FAM178B: variants seen among roughly 807,000 people sequenced by gnomAD.
FAM178B encodes family with sequence similarity 178 member B.
In FAM178B, 82 loss-of-function variants were observed where a neutral mutation model predicts 91.7. That is an observed-to-expected ratio of 0.89 (90% CI 0.75 to 1.07). The LOEUF is 1.07. FAM178B is among the 50% of genes least tolerant of loss of function. The pLI, the probability that FAM178B is intolerant of heterozygous loss-of-function variation, is 0.00. For missense variants in FAM178B, 769 were observed against 846.7 expected, an observed-to-expected ratio of 0.91 and a Z score of 1.14; for synonymous variants, 368 against 359.4, an observed-to-expected ratio of 1.02 and a Z score of -0.27.
chr2:96,906,113 C>T (rs1257182272), intron 12 of FAM178B, among the ~76,000 whole-genome samples: 4 of 149,848 alleles, frequency 2.7e-5, no homozygotes, highest in South Asian at 2.1e-4. Context: ...TCAGGTGATC[C>T]GCCTGAGTGT....
intron 12 of FAM178B, among the ~76,000 whole-genome samples, chr2:96,913,421 G>C (rs757767842): frequency 1.3e-5 from 2 of 152,198 alleles, no homozygotes; most frequent in African/African-American, 2.4e-5. Context: ...GTCCACAGTG[G>C]AGAAGGGGTC....
chr2:96,942,841 C>T (rs1004446724), intron 8 of FAM178B, among the ~76,000 whole-genome samples: 2 of 152,084 alleles, frequency 1.3e-5, no homozygotes, highest in Non-Finnish European at 2.9e-5. Flanking sequence ...AAAAATAAAC[C>T]CTTACATTTA....
chr2:96,879,334 C>T (rs960065007), intron 14 of FAM178B, among the ~76,000 whole-genome samples: 3 of 152,170 alleles, frequency 2.0e-5, no homozygotes, highest in Admixed American at 6.5e-5. Context: ...GTGGGAGAGG[C>T]GGGCTCTAGA....
At chr2:96,878,232 T>C (rs2080295007) in intron 15 of FAM178B, among the ~76,000 whole-genome samples, 184 bp downstream of exon 15, 1 of 152,186 alleles carries the variant, frequency 6.6e-6, no homozygotes, top group South Asian at 2.1e-4. Context: ...TGGGAATGGC[T>C]CAGCTGGTGG....
chr2:96,955,531 T>A (rs1040162762), intron 6 of FAM178B, among the ~76,000 whole-genome samples: 24 of 150,526 alleles, frequency 1.6e-4, no homozygotes, highest in African/African-American at 5.9e-4. Flanking sequence ...AAAAAAAAAA[T>A]TAGCCGTGCG....
intron 14 of FAM178B, among the ~76,000 whole-genome samples, chr2:96,891,761 G>T (rs1401050283): frequency 2.6e-5 from 4 of 152,192 alleles, no homozygotes; most frequent in Non-Finnish European, 4.4e-5. Context: ...GTGTTTATTT[G>T]CAGGGCTGGA....
intron 8 of FAM178B, among the ~76,000 whole-genome samples, chr2:96,931,250 C>G (rs2081534189): frequency 6.6e-6 from 1 of 152,066 alleles, no homozygotes. Flanking sequence ...GGACCCACTT[C>G]AGCACACTCC....
At chr2:96,960,539 T>C in intron 5 of FAM178B, 99 bp from the exon 6 acceptor site, 2 of 1,351,852 alleles carry the variant, frequency 1.5e-6, no homozygotes, top group Non-Finnish European at 9.9e-7. Flanking sequence ...GGCCACGGGC[T>C]CCCTGCCTTG....
chr2:96,949,753 C>T (rs138558305), intron 7 of FAM178B, among the ~76,000 whole-genome samples: 1 of 152,332 alleles, frequency 6.6e-6, no homozygotes, highest in Non-Finnish European at 1.5e-5. Context: ...CTCCTTCCTG[C>T]AGAATGTGAA....
In FAM178B at chr2:96,967,911, C is replaced by CTTTT. The variant is rs60965536; in HGVS notation, c.627-288_627-285dup. On this transcript the variant is annotated intron_variant, in intron 4 of 16. Transcript: ENST00000490605. ...TCTTTACTTGTGTACCCTGTTTGGTCTTTTTTTTTTTTTTTTTTTTTTTTT... is the reference window on the plus strand; with the variant it reads ...TCTTTACTTGTGTACCCTGTTTGGTCTTTTTTTTTTTTTTTTTTTTTTTTTTTTT... Among the ~76,000 whole-genome samples the CTTTT allele has an allele frequency of 1.8e-4, 11 of 62,418 alleles. 3 individuals are homozygous for CTTTT. The highest frequency in any genetic ancestry group is 9.1e-4 in the East Asian group (2 of 2,186). 40.9% of individuals were successfully genotyped at this position (62,418 alleles called of 152,430 possible). A position where few individuals can be genotyped will look rare whatever the true frequency, so the allele number is the denominator to read the frequency against.
At chr2:96,915,680 G>A (rs2081229588) in intron 12 of FAM178B, among the ~76,000 whole-genome samples, 1 of 151,956 alleles carries the variant, frequency 6.6e-6, no homozygotes, top group South Asian at 2.1e-4. Flanking sequence ...GCTGGGTGTG[G>A]TGGCACGCAC....
In FAM178B at chr2:96,921,465, G is replaced by A; in HGVS notation, c.1464+13C>T. ...TGAAGCTGTATGAGGACCAGGCTCT[G>A]GGCGTCTAGTACCTTCCCTGGCCAC... On this transcript the variant is annotated intron_variant, in intron 11 of 16. Coordinates refer to ENST00000490605, the MANE Select transcript of FAM178B (RefSeq NM_001122646.3). 6 of 1,551,596 alleles carry A rather than the reference G, an allele frequency of 3.9e-6. No homozygotes were observed. The Admixed American group carries it at 9.8e-5, about 25-fold the overall frequency.
intron 12 of FAM178B, among the ~76,000 whole-genome samples, chr2:96,908,129 G>A (rs1214387107): frequency 6.6e-6 from 1 of 152,222 alleles, no homozygotes; most frequent in Non-Finnish European, 1.5e-5. Context: ...TTAGAAGCTG[G>A]TTGTCCCTCC....
chr2:96,877,808 G>A lies in FAM178B; in HGVS notation c.2007+82C>T, dbSNP rs1484972494. The A allele has an allele frequency of 2.2e-6, 3 of 1,390,010 alleles. No homozygotes were observed. In the African/African-American group the frequency reaches 4.2e-5, roughly 20 times the overall value. 86.1% of individuals were successfully genotyped at this position (1,390,010 alleles called of 1,614,324 possible). A position where few individuals can be genotyped will look rare whatever the true frequency, so the allele number is the denominator to read the frequency against. ...CCAGGAGCTCAGCAGCTGCAGCGGG[G>A]GTGGATGTGCTGGTGGCTCTGGCCA... On this transcript the variant is annotated intron_variant, in intron 16 of 16. Coordinates refer to ENST00000490605, the MANE Select transcript of FAM178B (RefSeq NM_001122646.3).
intron 12 of FAM178B, among the ~76,000 whole-genome samples, chr2:96,919,011 C>T (rs553889363): frequency 2.2e-4 from 34 of 152,156 alleles, no homozygotes; most frequent in Non-Finnish European, 5.0e-4. Context: ...CCCTTAAAAG[C>T]GACAGGAATT....
rs570070338 is a variant in FAM178B, at chr2:96,952,420, G to A, written c.888-936C>T. ...GGGGGCGTGCTCAGACCAGCCACGC[G>A]GCTGTGGCTGTGACCGTGTGCCCAT... On this transcript the variant is annotated intron_variant, in intron 6 of 16. Transcript: ENST00000490605. Among the ~76,000 whole-genome samples, 5 of 152,228 alleles carry A rather than the reference G, an allele frequency of 3.3e-5. No homozygotes were observed. In the South Asian group the frequency reaches 6.2e-4, roughly 19 times the overall value.
At chr2:96,971,244 C>T (rs1296889378) in intron 3 of FAM178B, among the ~76,000 whole-genome samples, 1 of 143,574 alleles carries the variant, frequency 7.0e-6, no homozygotes, top group Non-Finnish European at 1.5e-5. Context: ...CTCCTCCTCT[C>T]CTCTCCCTCC....
chr2:96,899,178 C>T (rs535601331), intron 13 of FAM178B, among the ~76,000 whole-genome samples: 1 of 152,362 alleles, frequency 6.6e-6, no homozygotes, highest in Non-Finnish European at 1.5e-5. Flanking sequence ...CCTATCCCTC[C>T]AGTCGCCATG....
chr2:96,977,698 G>A lies in FAM178B; in HGVS notation c.74-5092C>T, dbSNP rs377712271. Reference sequence around the variant, plus strand: ...TACAGCAAAGGCTGCACGCAATGGGGGAGGGGGAAGGAGGGAAGGATATTT... The same window carrying A: ...TACAGCAAAGGCTGCACGCAATGGGAGAGGGGGAAGGAGGGAAGGATATTT... On this transcript the variant is annotated intron_variant, in intron 1 of 16. Transcript: ENST00000490605. 2.2e-4 allele frequency: 84 copies of A among 390,086 alleles called. No individual in the cohort carries two copies. The East Asian group carries it at 2.4e-3, about 11-fold the overall frequency. 24.2% of individuals were successfully genotyped at this position (390,086 alleles called of 1,614,324 possible). A position where few individuals can be genotyped will look rare whatever the true frequency, so the allele number is the denominator to read the frequency against.
Sources: allele counts gnomAD v4.1 joint callset (sites outside exome capture counted in the v4.1 genomes callset), GRCh38; gene constraint gnomAD v4.1.1; transcripts MANE v1.5; gene names NCBI Gene and HGNC (gene_info 2026-07-23, HGNC 2026-07-21).